THADA: variants seen among roughly 807,000 people sequenced by gnomAD.
The protein encoded by THADA is tRNA (32-2'-O)-methyltransferase regulator THADA.
THADA carries 213 observed loss-of-function variants against 219.8 expected under a neutral mutation model. The observed-to-expected ratio is 0.97, with a 90% CI of 0.87 to 1.09. The LOEUF is 1.09. Among genes scored for constraint, THADA ranks in the 50% least tolerant of loss-of-function variants. THADA has a pLI of 0.00. For missense variants in THADA, 2,956 were observed against 2,311.3 expected (o/e 1.28, Z -5.72); for synonymous variants, 1,018 against 828.9 (o/e 1.23, Z -3.92).
intron 20 of THADA, among the ~76,000 whole-genome samples, chr2:43,545,121 A>G (rs1177728393): frequency 2.0e-5 from 3 of 152,136 alleles, no homozygotes; most frequent in Non-Finnish European, 4.4e-5. Context: ...TTCTGCATCT[A>G]TTGAGATAAT....
rs750108532 is a variant in THADA at position 43,552,197 on chromosome 2, T to C, written c.2810+7A>G. On this transcript the variant is annotated splice_region_variant and intron_variant, in intron 18 of 37. Coordinates refer to ENST00000405975, the MANE Select transcript of THADA (RefSeq NM_022065.5). ...CTGAGACAGGAGGCAGCTGTGGAAA[T>C]CCTTACTTTAGAGATAACTTCTGCA... 1 of 1,604,086 alleles carries C rather than the reference T, an allele frequency of 6.2e-7. No individual in the cohort carries two copies. Among genetic ancestry groups the C allele is most frequent in the Non-Finnish European group, 8.5e-7 (1 of 1,176,286 alleles).
chr2:43,282,641 G>C (rs577450622), intron 35 of THADA, among the ~76,000 whole-genome samples: 4 of 152,282 alleles, frequency 2.6e-5, no homozygotes, highest in Non-Finnish European at 2.9e-5. Context: ...GCAGGAGAGG[G>C]CAGGGTTGGG....
chr2:43,499,026 T>A (rs1558860728), intron 24 of THADA, 71 bp from the exon 25 acceptor site: 1 of 1,442,904 alleles, frequency 6.9e-7, no homozygotes, highest in Non-Finnish European at 9.2e-7. Context: ...ACATATCCAA[T>A]AGTACAGCTT....
chr2:43,261,211 C>T (rs1410268952), intron 36 of THADA, among the ~76,000 whole-genome samples: 1 of 132,246 alleles, frequency 7.6e-6, no homozygotes, highest in Admixed American at 7.5e-5. Context: ...TAAATTTGTG[C>T]ATTTCTTTTT....
chr2:43,329,640 A>C (rs1195875258), intron 30 of THADA, among the ~76,000 whole-genome samples: 2 of 152,244 alleles, frequency 1.3e-5, no homozygotes, highest in African/African-American at 4.8e-5. Flanking sequence ...AAAGTAGCTC[A>C]AGTGACCTAG....
rs180755840 is a variant in THADA, at chr2:43,553,535, T to C, written c.2675-1196A>G. ...TTATCAGGAGCTGGAAACTTGATATTGGAATTCTCTGCCTCTAAAATTATG... is the reference window on the plus strand; with the variant it reads ...TTATCAGGAGCTGGAAACTTGATATCGGAATTCTCTGCCTCTAAAATTATG... On this transcript the variant is annotated intron_variant, in intron 17 of 37. Coordinates refer to ENST00000405975, the MANE Select transcript of THADA (RefSeq NM_022065.5). Among the ~76,000 whole-genome samples the C allele has an allele frequency of 1.7e-3, 266 of 152,312 alleles. 1 individual carries two copies. The highest frequency in any genetic ancestry group is 6.0e-3 in the African/African-American group (251 of 41,576).
intron 10 of THADA, 57 bp downstream of exon 10, chr2:43,576,965 A>G (rs1699919975): frequency 6.7e-7 from 1 of 1,484,372 alleles, no homozygotes; most frequent in South Asian, 1.2e-5. Context: ...TTTGGACTGC[A>G]TCTTCTAAAT....
At chr2:43,439,029 C>T (rs974667816) in intron 26 of THADA, among the ~76,000 whole-genome samples, 2 of 152,092 alleles carry the variant, frequency 1.3e-5, no homozygotes, top group African/African-American at 2.4e-5. Flanking sequence ...AAGTGAATGA[C>T]GTAGCATTTA....
intron 31 of THADA, among the ~76,000 whole-genome samples, chr2:43,304,073 T>A (rs1215843559): frequency 6.6e-6 from 1 of 152,200 alleles, no homozygotes; most frequent in Non-Finnish European, 1.5e-5. Context: ...TATTTGTTTT[T>A]GTACACCATG....
At chr2:43,265,749 A>G (rs1434716466) in intron 36 of THADA, among the ~76,000 whole-genome samples, 1 of 151,888 alleles carries the variant, frequency 6.6e-6, no homozygotes, top group Non-Finnish European at 1.5e-5. Context: ...CCAAACACAA[A>G]CCGAATCTCT....
intron 21 of THADA, among the ~76,000 whole-genome samples, chr2:43,530,511 G>C (rs567968527): frequency 6.6e-6 from 1 of 152,094 alleles, no homozygotes. Context: ...CCATCATTTC[G>C]ATTATTAGAG....
intron 25 of THADA, among the ~76,000 whole-genome samples, chr2:43,497,976 T>G (rs973866629): frequency 1.3e-5 from 2 of 152,000 alleles, no homozygotes; most frequent in Non-Finnish European, 1.5e-5. Flanking sequence ...GTAAAAAACC[T>G]GCACATTCTA....
rs57755595 is a variant in THADA, at chr2:43,585,532, GTAGATAGATAGA to G, written c.533+857_533+868del. ...GACCCTGTCACAAAGAAAAAAAAAT[GTAGATAGATAGA>G]TAGATAGATAGATAGATAGATAGAT... On this transcript the variant is annotated intron_variant, in intron 7 of 37. Coordinates refer to ENST00000405975, the MANE Select transcript of THADA (RefSeq NM_022065.5). Among the ~76,000 whole-genome samples the G allele has an allele frequency of 1.4e-3, 198 of 139,518 alleles. 2 individuals are homozygous for G. Among genetic ancestry groups the G allele is most frequent in the East Asian group, 6.1e-3 (30 of 4,904 alleles). The allele number at this position is 139,518 out of a possible 152,430, so 91.5% of individuals were successfully genotyped here.
intron 34 of THADA, among the ~76,000 whole-genome samples, chr2:43,291,454 CAAAAAAAA>C (rs765352765): frequency 1.4e-3 from 11 of 8,092 alleles, no homozygotes; most frequent in South Asian, 6.7e-3. Flanking sequence ...AACTCCATCT[CAAAAAAAA>C]AAAAAAAAAA....
intron 4 of THADA, among the ~76,000 whole-genome samples, chr2:43,589,197 C>A (rs1001426897): frequency 1.1e-4 from 17 of 152,028 alleles, no homozygotes; most frequent in African/African-American, 4.1e-4. Flanking sequence ...GCATTATTCA[C>A]AACAGGCAAG....
chr2:43,263,537 C>T (rs1012364040), intron 36 of THADA, among the ~76,000 whole-genome samples: 9 of 152,084 alleles, frequency 5.9e-5, no homozygotes, highest in Non-Finnish European at 5.9e-5. Context: ...AGGACAAGCA[C>T]GGGGTCAAAG....
chr2:43,520,702 GTA>G (rs377737093), intron 22 of THADA, among the ~76,000 whole-genome samples: 26,084 of 136,218 alleles, frequency 0.19, 2,386 homozygotes, highest in African/African-American at 0.24. Context: ...ATATTTATAC[GTA>G]TATATATATA....
chr2:43,470,335 C>A (rs1161469373), intron 26 of THADA, among the ~76,000 whole-genome samples: 1 of 151,824 alleles, frequency 6.6e-6, no homozygotes, highest in East Asian at 1.9e-4. Flanking sequence ...TAGGAAATAA[C>A]CCTACACATT....
Position 43,428,215 on chromosome 2 carries a change from T to A in THADA, c.3943A>T (p.Asn1315Tyr). 6.2e-7 allele frequency: 1 copy of A among 1,600,784 alleles called. No individual in the cohort carries two copies. The highest frequency in any genetic ancestry group is 8.5e-7 in the Non-Finnish European group (1 of 1,172,516). Residue 1315 changes from asparagine (N) to tyrosine (Y), a missense_variant, in exon 28 of 38, where the codon AAT becomes TAT. Transcript: ENST00000405975. Reference sequence around the variant, plus strand: ...AAGAGAAACATGCTTGGATGACGATTTGGTTCTCCCATATCACTGAAACAA... The same window carrying A: ...AAGAGAAACATGCTTGGATGACGATATGGTTCTCCCATATCACTGAAACAA... ...NTVDSDMGEP[N>Y]RHPSMFLLLL...
Sources: allele counts gnomAD v4.1 joint callset (sites outside exome capture counted in the v4.1 genomes callset), GRCh38; gene constraint gnomAD v4.1.1; transcripts MANE v1.5; gene names NCBI Gene and HGNC (gene_info 2026-07-23, HGNC 2026-07-21).